Variants in CNTN4 observed in about 807,000 individuals in gnomAD.
CNTN4 encodes the protein contactin-4.
In CNTN4, 77 loss-of-function variants were observed where a neutral mutation model predicts 122.5. The observed-to-expected ratio is 0.63, with a 90% confidence interval of 0.52 to 0.76. The LOEUF is 0.76. Ranked by LOEUF, CNTN4 falls within the 30% of genes least tolerant of loss-of-function variation. CNTN4 has a pLI of 0.00. For synonymous variants in CNTN4, 512 were observed against 447.0 expected (o/e 1.15, Z -1.83); for missense variants, 1,256 against 1,259.1 (o/e 1.00, Z 0.04).
At chr3:2,815,873 C>CAT (rs58111735) in intron 6 of CNTN4, among the ~76,000 whole-genome samples, 7,785 of 141,032 alleles carry the variant, frequency 0.055, 423 homozygotes, top group Middle Eastern at 0.096. Flanking sequence ...GAAACTATGG[C>CAT]ATATATATAT....
chr3:2,254,825 T>C (rs892002740), intron 2 of CNTN4, among the ~76,000 whole-genome samples: 1 of 152,182 alleles, frequency 6.6e-6, no homozygotes, highest in Admixed American at 6.5e-5. Context: ...TTTTCTCTCA[T>C]TCTATAGGTT....
intron 6 of CNTN4, among the ~76,000 whole-genome samples, chr3:2,807,888 C>G (rs142524637): frequency 1.8e-3 from 275 of 152,248 alleles, no homozygotes; most frequent in Non-Finnish European, 2.7e-3. Flanking sequence ...TCCTCCCAAG[C>G]TTCTTGGAGG....
At chr3:2,337,300 T>C (rs947165321) in intron 2 of CNTN4, among the ~76,000 whole-genome samples, 5 of 152,208 alleles carry the variant, frequency 3.3e-5, no homozygotes, top group African/African-American at 9.6e-5. Context: ...TAATGTTTTC[T>C]ATAATGGGCA....
chr3:2,770,176 C>T (rs1184965110), intron 6 of CNTN4, among the ~76,000 whole-genome samples: 2 of 151,936 alleles, frequency 1.3e-5, no homozygotes, highest in African/African-American at 2.4e-5. Context: ...ACTACAGGCA[C>T]GCGTCATCAT....
chr3:2,578,582 A>G (rs1430178880), intron 4 of CNTN4, among the ~76,000 whole-genome samples: 1 of 152,246 alleles, frequency 6.6e-6, no homozygotes, highest in Non-Finnish European at 1.5e-5. Context: ...TAAACCTAGT[A>G]CTACTCTGTT....
chr3:2,476,264 G>T (rs1490900842), intron 3 of CNTN4, among the ~76,000 whole-genome samples: 1 of 152,158 alleles, frequency 6.6e-6, no homozygotes, highest in Non-Finnish European at 1.5e-5. Flanking sequence ...GGCAGAGTAG[G>T]TTAAGTACAT....
intron 3 of CNTN4, among the ~76,000 whole-genome samples, chr3:2,352,926 T>C (rs1292953300): frequency 1.3e-5 from 2 of 151,910 alleles, no homozygotes; most frequent in East Asian, 3.9e-4. Context: ...GGTTTGTAAA[T>C]GCACCAATCA....
intron 4 of CNTN4, among the ~76,000 whole-genome samples, chr3:2,622,094 C>G (rs1000797904): frequency 1.3e-5 from 2 of 152,178 alleles, no homozygotes; most frequent in African/African-American, 4.8e-5. Context: ...AAAACACCCC[C>G]TTTCTCTCAG....
chr3:2,463,758 C>CA (rs11417358), intron 3 of CNTN4, among the ~76,000 whole-genome samples: 20,326 of 151,180 alleles, frequency 0.13, 1,760 homozygotes, highest in Middle Eastern at 0.22. Flanking sequence ...AACTCCGTCT[C>CA]AAAAAAAATA....
At chr3:2,502,811 G>A (rs1337783963) in intron 3 of CNTN4, among the ~76,000 whole-genome samples, 1 of 152,078 alleles carries the variant, frequency 6.6e-6, no homozygotes, top group Non-Finnish European at 1.5e-5. Flanking sequence ...GAACTTTGGT[G>A]TCCTGACTCT....
At chr3:2,575,809 C>CTTTTTTTTTTTTTTTTT (rs56303805) in intron 4 of CNTN4, among the ~76,000 whole-genome samples, 1 of 101,248 alleles carries the variant, frequency 9.9e-6, no homozygotes, top group African/African-American at 3.7e-5. Flanking sequence ...TCTTCTTCTT[C>CTTTTTTTTTTTTTTTTT]TTTTTTTTTT....
chr3:2,405,129 T>C (rs1267347797), intron 3 of CNTN4, among the ~76,000 whole-genome samples: 1 of 152,210 alleles, frequency 6.6e-6, no homozygotes, highest in African/African-American at 2.4e-5. Context: ...TTCTTCCCAA[T>C]GTATGAATCC....
intron 4 of CNTN4, among the ~76,000 whole-genome samples, chr3:2,663,523 G>A (rs924100549): frequency 8.5e-5 from 13 of 152,180 alleles, no homozygotes; most frequent in Non-Finnish European, 1.9e-4. Flanking sequence ...AGTATAGGAA[G>A]GAGGTTGAAA....
At chr3:2,883,396 T>C (rs537438144) in intron 9 of CNTN4, 149 bp downstream of exon 9, 4 of 676,134 alleles carry the variant, frequency 5.9e-6, no homozygotes, top group African/African-American at 5.3e-5. Flanking sequence ...CATCTTGGAT[T>C]CTGCCCCTCA....
intron 4 of CNTN4, among the ~76,000 whole-genome samples, chr3:2,605,239 T>G (rs1025230200): frequency 6.6e-6 from 1 of 152,192 alleles, no homozygotes; most frequent in Admixed American, 6.5e-5. Flanking sequence ...TGGTCTAAAG[T>G]GTTCCCGAGT....
At chr3:2,621,112 T>C (rs1297424161) in intron 4 of CNTN4, among the ~76,000 whole-genome samples, 1 of 152,010 alleles carries the variant, frequency 6.6e-6, no homozygotes, top group East Asian at 1.9e-4. Flanking sequence ...CCTGCAAAAA[T>C]CTTGGCATGT....
At chr3:2,729,804 C>CT (rs762543676) in intron 4 of CNTN4, among the ~76,000 whole-genome samples, 8 of 151,296 alleles carry the variant, frequency 5.3e-5, no homozygotes, top group Admixed American at 1.3e-4. Context: ...ATACCAGCTA[C>CT]TAAGAAGGCT....
chr3:2,106,614 C>G (rs1182724337), intron 2 of CNTN4, among the ~76,000 whole-genome samples: 1 of 152,186 alleles, frequency 6.6e-6, no homozygotes. Context: ...AGCAGGGAGC[C>G]CAGTGCCTTG....
intron 2 of CNTN4, among the ~76,000 whole-genome samples, chr3:2,225,630 G>C (rs558172027): frequency 6.6e-6 from 1 of 152,100 alleles, no homozygotes; most frequent in Non-Finnish European, 1.5e-5. Flanking sequence ...TTCTATTCTC[G>C]TCAGCATGGG....
Sources: gnomAD v4.1 joint callset for allele counts (sites outside exome capture counted in the v4.1 genomes callset) on GRCh38, gnomAD v4.1.1 for gene constraint, MANE v1.5 for transcripts, NCBI Gene and HGNC (gene_info 2026-07-23, HGNC 2026-07-21) for gene names.